Variants in NCOA7 observed in about 807,000 individuals in gnomAD.
NCOA7 encodes the protein nuclear receptor coactivator 7.
NCOA7 carries 45 observed loss-of-function variants against 104.3 expected under a neutral mutation model. The observed-to-expected ratio is 0.43, with a 90% CI of 0.34 to 0.55. The LOEUF is 0.55. NCOA7 is among the 20% of genes least tolerant of loss of function. The probability of loss-of-function intolerance (pLI) is 0.02; values close to 1 mark genes in which losing one functional copy is unlikely to be tolerated. For synonymous variants in NCOA7, 398 were observed against 402.3 expected, an observed-to-expected ratio of 0.99 and a Z score of 0.13; for missense variants, 1,041 against 1,119.7, an observed-to-expected ratio of 0.93 and a Z score of 1.00.
intron 3 of NCOA7, among the ~76,000 whole-genome samples, chr6:125,859,076 C>G (rs1181882491): frequency 6.6e-6 from 1 of 152,092 alleles, no homozygotes; most frequent in Admixed American, 6.6e-5. Context: ...AAAGGAAATT[C>G]TTTACTTTTT....
chr6:125,906,673 G>A (rs548325749), intron 10 of NCOA7, among the ~76,000 whole-genome samples: 2 of 152,286 alleles, frequency 1.3e-5, no homozygotes, highest in African/African-American at 4.8e-5. Flanking sequence ...AGACTGGGGA[G>A]AGAGGAGGAA....
intron 10 of NCOA7, among the ~76,000 whole-genome samples, chr6:125,892,013 G>T (rs143992452): frequency 6.6e-6 from 1 of 152,118 alleles, no homozygotes; most frequent in African/African-American, 2.4e-5. Flanking sequence ...CTGAAGCTCT[G>T]TTAAAATTGG....
intron 2 of NCOA7, among the ~76,000 whole-genome samples, chr6:125,849,829 A>G (rs1014584468): frequency 6.6e-6 from 1 of 152,236 alleles, no homozygotes; most frequent in Non-Finnish European, 1.5e-5. Flanking sequence ...TTGTACTCAC[A>G]GCAATCAAAT....
chr6:125,791,291 C>T (rs1774828701), intron 1 of NCOA7, among the ~76,000 whole-genome samples: 1 of 152,228 alleles, frequency 6.6e-6, no homozygotes, highest in Non-Finnish European at 1.5e-5. Context: ...TTGACCCTTC[C>T]CCGCCCACCC....
chr6:125,888,057 C>T (rs1029658493), intron 8 of NCOA7, among the ~76,000 whole-genome samples: 5 of 152,000 alleles, frequency 3.3e-5, no homozygotes, highest in Admixed American at 6.6e-5. Context: ...ATTTATTTTA[C>T]ACTTGGGAGA....
chr6:125,831,830 T>C (rs1352382401), intron 2 of NCOA7, among the ~76,000 whole-genome samples: 1 of 152,228 alleles, frequency 6.6e-6, no homozygotes, highest in Non-Finnish European at 1.5e-5. Context: ...GCTTTCACTT[T>C]CTATGCCTGT....
Position 125,815,401 on chromosome 6 carries a change from C to T in NCOA7, c.47C>T (p.Ala16Val), listed in dbSNP as rs1777495577. 8.7e-6 allele frequency: 14 copies of T among 1,607,674 alleles called. No homozygotes were observed. The highest frequency in any genetic ancestry group is 1.2e-5 in the Non-Finnish European group (14 of 1,176,952). Residue 16 changes from alanine (A) to valine (V), a missense_variant, in exon 2 of 16, where the codon GCT becomes GTT. Ala to Val is a moderately conservative substitution (Grantham distance 64). This residue lies in a region of NCOA7 where 914 missense variants were observed against 942.7 expected (regional missense o/e 0.97). Coordinates refer to ENST00000392477, the MANE Select transcript of NCOA7 (RefSeq NM_181782.5). The stretch of plus-strand genomic sequence containing the variant: ...AAGGAACGGAAACAAAGTTATTTTG[C>T]TCGGTAAGCATTCATTTTACAAAAT... ...EKKERKQSYF[A>V]RLKKKKQAKQ...
chr6:125,789,658 C>T (rs1359889037), upstream of NCOA7, among the ~76,000 whole-genome samples: 1 of 152,194 alleles, frequency 6.6e-6, no homozygotes, highest in Non-Finnish European at 1.5e-5. Context: ...TAAATTAATA[C>T]GTGCTTAGTG....
intron 10 of NCOA7, chr6:125,913,833 A>G (rs1786805470): frequency 1.1e-5 from 2 of 179,256 alleles, no homozygotes; most frequent in African/African-American, 4.8e-5. Context: ...CTGATACCAC[A>G]TATCACAGAA....
intron 2 of NCOA7, among the ~76,000 whole-genome samples, chr6:125,825,341 C>A (rs1778577150): frequency 6.6e-6 from 1 of 152,090 alleles, no homozygotes; most frequent in African/African-American, 2.4e-5. Flanking sequence ...AAAAACCCAA[C>A]AATTTTTTTA....
chr6:125,819,245 G>A (rs1475155099), intron 2 of NCOA7, among the ~76,000 whole-genome samples: 2 of 151,788 alleles, frequency 1.3e-5, no homozygotes, highest in Non-Finnish European at 2.9e-5. Context: ...TTGACGTTTC[G>A]CTCTTTAACA....
intron 2 of NCOA7, among the ~76,000 whole-genome samples, chr6:125,832,693 T>C (rs1017360584): frequency 6.6e-6 from 1 of 152,222 alleles, no homozygotes; most frequent in African/African-American, 2.4e-5. Flanking sequence ...ATCACAGTTT[T>C]ATATCAGCTT....
rs57168444 is a variant in NCOA7, at chr6:125,840,868, G to GTTTTTTTTTTTTTTTTTTTTTTTTTTT, written c.51-14136_51-14110dup. On this transcript the variant is annotated intron_variant, in intron 2 of 15. Coordinates refer to ENST00000392477, the MANE Select transcript of NCOA7 (RefSeq NM_181782.5). ...TTTTATGGTTTTTTTTGTTTGGTTG[G>GTTTTTTTTTTTTTTTTTTTTTTTTTTT]TTTTTTTTTTTTTTTTTTTTTTTTT... Among the ~76,000 whole-genome samples, 11 of 40,376 alleles carry GTTTTTTTTTTTTTTTTTTTTTTTTTTT rather than the reference G, an allele frequency of 2.7e-4. 5 individuals are homozygous for GTTTTTTTTTTTTTTTTTTTTTTTTTTT. The highest frequency in any genetic ancestry group is 8.8e-4 in the Admixed American group (2 of 2,264). The allele number at this position is 40,376 out of a possible 152,430, so 26.5% of individuals were successfully genotyped here. A position where few individuals can be genotyped will look rare whatever the true frequency, so the allele number is the denominator to read the frequency against.
At chr6:125,855,352 T>G in intron 3 of NCOA7, 112 bp downstream of exon 3, 1 of 807,836 alleles carries the variant, frequency 1.2e-6, no homozygotes, top group South Asian at 1.8e-5. Context: ...ATGGAGCAGC[T>G]GCTATGTGCC....
At position 125,888,937 on chromosome 6, in the gene NCOA7, A is replaced by C. The variant is rs1784433579; in HGVS notation, c.885-2A>C. The C allele has an allele frequency of 1.3e-6, 2 of 1,586,816 alleles. No homozygotes were observed. The highest frequency in any genetic ancestry group is 4.5e-5 in the East Asian group (2 of 44,464). On this transcript the variant is annotated splice_acceptor_variant, in intron 8 of 15. Transcript: ENST00000392477. LOFTEE classifies it high-confidence loss of function. Reference sequence around the variant, plus strand: ...GTGCACCCACCATTTCTCCCCCAACAGTGACCTACCTCAGGATCTTTGTCC... The same window carrying C: ...GTGCACCCACCATTTCTCCCCCAACCGTGACCTACCTCAGGATCTTTGTCC...
Position 125,915,372 on chromosome 6 carries a change from C to T in NCOA7, c.2136C>T (p.Pro712=), listed in dbSNP as rs754135016. ...HLYTFFVQWS[P]DVYGKDAKEQ... ...ACACATTCTTTGTTCAGTGGTCTCC[C>T]GATGTCTATGGAAAAGATGCCAAAG... The change falls in exon 11 of 16, where the codon CCC becomes CCT. Residue 712 remains proline (P), a synonymous_variant. Coordinates refer to ENST00000392477, the MANE Select transcript of NCOA7 (RefSeq NM_181782.5). 30 of 1,613,660 alleles carry T rather than the reference C, an allele frequency of 1.9e-5. No homozygotes were observed. In the Admixed American group the frequency reaches 2.5e-4, roughly 13 times the overall value.
chr6:125,928,609 C>CTTT, intron 15 of NCOA7, 27 bp from the exon 16 acceptor site: 7 of 1,472,184 alleles, frequency 4.8e-6, no homozygotes, highest in African/African-American at 1.5e-5. Context: ...GTGTTTTTAC[C>CTTT]TTTTTTTTTT....
At chr6:125,881,037 T>C (rs1236992263) in intron 5 of NCOA7, 53 bp from the exon 6 acceptor site, 3 of 1,100,710 alleles carry the variant, frequency 2.7e-6, no homozygotes, top group Non-Finnish European at 4.2e-6. Context: ...AAACACTCAC[T>C]AGTGGTTTGC....
chr6:125,839,808 G>A (rs993366758), intron 2 of NCOA7, among the ~76,000 whole-genome samples: 1 of 151,988 alleles, frequency 6.6e-6, no homozygotes, highest in Non-Finnish European at 1.5e-5. Flanking sequence ...CAGTGATGCT[G>A]GTGTAAACAA....
Sources: gnomAD v4.1 joint callset for allele counts (sites outside exome capture counted in the v4.1 genomes callset) on GRCh38, gnomAD v4.1.1 for gene constraint, gnomAD v4.1.1 regional missense constraint, MANE v1.5 for transcripts, NCBI Gene and HGNC (gene_info 2026-07-23, HGNC 2026-07-21) for gene names.